The following RNLS variants were observed in gnomAD, a reference collection of about 807,000 sequenced individuals.
RNLS encodes renalase.
In RNLS, 39 loss-of-function variants were observed where a neutral mutation model predicts 39.8. That is an observed-to-expected ratio of 0.98 (90% CI 0.76 to 1.28). The LOEUF (loss-of-function observed/expected upper bound fraction) is 1.28, where lower values mean the gene tolerates loss of function less well. Among genes scored for constraint, RNLS ranks in the 50% most tolerant of loss-of-function variants. RNLS has a pLI of 0.00. For synonymous variants in RNLS, 147 were observed against 150.7 expected (o/e 0.98, Z 0.18); for missense variants, 410 against 413.3 (o/e 0.99, Z 0.07).
At chr10:88,530,133 G>A (rs1417836507) in intron 4 of RNLS, among the ~76,000 whole-genome samples, 3 of 152,138 alleles carry the variant, frequency 2.0e-5, no homozygotes, top group African/African-American at 7.2e-5. Flanking sequence ...TGGCTCCAAG[G>A]CCTTTAAGGC....
intron 4 of RNLS, among the ~76,000 whole-genome samples, chr10:88,451,687 G>A (rs1842367626): frequency 6.6e-6 from 1 of 152,158 alleles, no homozygotes; most frequent in Admixed American, 6.5e-5. Flanking sequence ...TGTAAAAGCT[G>A]TAGGTAGCAC....
chr10:88,475,130 C>T lies in RNLS; in HGVS notation c.526+97773G>A, dbSNP rs145109833. ...AGTCAGGAGGCTTGGGCACACAGGG[C>T]GACAGGGCAGCCCTGGCATTCACTG... On this transcript the variant is annotated intron_variant, in intron 4 of 6. Transcript: ENST00000331772. Among the ~76,000 whole-genome samples the T allele has an allele frequency of 5.3e-5, 8 of 152,134 alleles. No homozygotes were observed. In the East Asian group the frequency reaches 1.2e-3, roughly 22 times the overall value.
chr10:88,186,361 T>C, the RNLS span, among the ~76,000 whole-genome samples: 2 of 152,206 alleles, frequency 1.3e-5, no homozygotes, highest in Non-Finnish European at 2.9e-5. Flanking sequence ...ATAAATGACA[T>C]ATATCATATA....
intron 4 of RNLS, among the ~76,000 whole-genome samples, chr10:88,457,464 A>T (rs1047595397): frequency 6.6e-6 from 1 of 152,218 alleles, no homozygotes; most frequent in Admixed American, 6.5e-5. Flanking sequence ...ACCATTTGCC[A>T]CCTCAACTGC....
chr10:88,298,225 T>C (rs1006642916), intron 6 of RNLS, among the ~76,000 whole-genome samples: 21 of 152,164 alleles, frequency 1.4e-4, no homozygotes, highest in Non-Finnish European at 1.6e-4. Context: ...TTATACATTC[T>C]AGATAGTAGA....
At chr10:88,499,831 G>A (rs931106957) in intron 4 of RNLS, among the ~76,000 whole-genome samples, 9 of 152,102 alleles carry the variant, frequency 5.9e-5, no homozygotes, top group African/African-American at 2.2e-4. Flanking sequence ...TCATCCAGCT[G>A]AAATTCTAAG....
intron 4 of RNLS, among the ~76,000 whole-genome samples, chr10:88,522,650 C>T (rs1483385088): frequency 6.6e-6 from 1 of 151,942 alleles, no homozygotes; most frequent in Non-Finnish European, 1.5e-5. Context: ...ATGTTAGGCC[C>T]ACAAACTAAA....
chr10:88,549,411 A>C (rs1000324764), intron 4 of RNLS, among the ~76,000 whole-genome samples: 11 of 151,748 alleles, frequency 7.2e-5, no homozygotes, highest in Non-Finnish European at 1.6e-4. Context: ...AAAAAAAAAA[A>C]AACAAGTTGT....
chr10:88,354,644 A>T (rs1849005992), intron 5 of RNLS, among the ~76,000 whole-genome samples: 1 of 152,066 alleles, frequency 6.6e-6, no homozygotes, highest in African/African-American at 2.4e-5. Flanking sequence ...GGCTGCCCTT[A>T]ACATTTTTTC....
At chr10:88,255,874 C>A in the RNLS span, among the ~76,000 whole-genome samples, 2 of 152,214 alleles carry the variant, frequency 1.3e-5, no homozygotes, top group African/African-American at 4.8e-5. Flanking sequence ...GAAATGCCAA[C>A]CCAGTGGAGG....
chr10:88,285,593 C>T (rs772452792), intron 6 of RNLS, 87 bp from the exon 7 acceptor site: 19 of 1,127,264 alleles, frequency 1.7e-5, no homozygotes, highest in Non-Finnish European at 2.3e-5. Context: ...GGTTAGTCTA[C>T]CTGGAGAAAT....
the RNLS span, among the ~76,000 whole-genome samples, chr10:88,188,468 C>T: frequency 6.6e-6 from 1 of 152,202 alleles, no homozygotes; most frequent in Non-Finnish European, 1.5e-5. Context: ...TCTTTAAAAT[C>T]AGGCTTTACA....
At chr10:88,278,338 G>T (rs1842886546) in intron 6 of RNLS, among the ~76,000 whole-genome samples, 1 of 152,106 alleles carries the variant, frequency 6.6e-6, no homozygotes, top group South Asian at 2.1e-4. Flanking sequence ...ATGGCTTATT[G>T]TAATGGTTAA....
At chr10:88,350,628 T>A (rs2133282741) in intron 5 of RNLS, among the ~76,000 whole-genome samples, 1 of 152,332 alleles carries the variant, frequency 6.6e-6, no homozygotes, top group South Asian at 2.1e-4. Context: ...ATCCAGTCTA[T>A]CATTGTTGGA....
chr10:88,265,838 T>A, the RNLS span, among the ~76,000 whole-genome samples: 7 of 152,220 alleles, frequency 4.6e-5, no homozygotes, highest in Non-Finnish European at 8.8e-5. Flanking sequence ...AACTGATTTG[T>A]CTTTCCCTTT....
chr10:88,575,135 TATATATATATATATATATATATATACAC>T lies in RNLS; in HGVS notation c.368-2102_368-2075del, dbSNP rs1850089164. On this transcript the variant is annotated intron_variant, in intron 3 of 6. Coordinates refer to ENST00000331772, the MANE Select transcript of RNLS (RefSeq NM_001031709.3). ...AGGTGTTCTGCAAAGTATATATATA[TATATATATATATATATATATATATACAC>T]ACACACACACACACACATATTATAT... Among the ~76,000 whole-genome samples, 6 of 29,852 alleles carry T rather than the reference TATATATATATATATATATATATATACAC, an allele frequency of 2.0e-4. No homozygotes were observed. The South Asian group carries it at 6.1e-3, about 30-fold the overall frequency. 19.6% of individuals were successfully genotyped at this position (29,852 alleles called of 152,430 possible).
At chr10:88,313,477 C>A (rs1156398605) in intron 6 of RNLS, among the ~76,000 whole-genome samples, 1 of 152,114 alleles carries the variant, frequency 6.6e-6, no homozygotes, top group Non-Finnish European at 1.5e-5. Flanking sequence ...CCATGACATG[C>A]TTAAGTAAAT....
the RNLS span, among the ~76,000 whole-genome samples, chr10:88,186,904 G>A: frequency 1.3e-5 from 2 of 151,852 alleles, no homozygotes; most frequent in Non-Finnish European, 2.9e-5. Flanking sequence ...ATACTTTCTA[G>A]AGAGAATCAT....
chr10:88,391,427 A>G (rs1490211804), intron 4 of RNLS, among the ~76,000 whole-genome samples: 9 of 152,040 alleles, frequency 5.9e-5, no homozygotes, highest in Non-Finnish European at 1.2e-4. Flanking sequence ...GCATGGTGGT[A>G]GGCACCTGTA....
Sources: allele counts gnomAD v4.1 joint callset (sites outside exome capture counted in the v4.1 genomes callset), GRCh38; gene constraint gnomAD v4.1.1; transcripts MANE v1.5; gene names NCBI Gene and HGNC (gene_info 2026-07-23, HGNC 2026-07-21).